The following BZW2 variants were observed in gnomAD, a reference collection of about 807,000 sequenced individuals.
BZW2 encodes the protein basic leucine zipper and W2 domains 2.
A neutral mutation model predicts 53.2 loss-of-function variants in BZW2; 23 were observed. The ratio of observed to expected loss-of-function variants is 0.43; its 90% CI spans 0.31 to 0.61. The LOEUF (loss-of-function observed/expected upper bound fraction) is 0.61, where lower values mean the gene tolerates loss of function less well. Among genes scored for constraint, BZW2 ranks in the 20% least tolerant of loss-of-function variants. The pLI is 0.09. For synonymous variants in BZW2, 227 were observed against 186.4 expected (o/e 1.22, Z -1.77); for missense variants, 409 against 503.1 (o/e 0.81, Z 1.79).
chr7:16,695,503 C>A (rs1200022671), intron 8 of BZW2, among the ~76,000 whole-genome samples: 1 of 152,046 alleles, frequency 6.6e-6, no homozygotes, highest in Non-Finnish European at 1.5e-5. Flanking sequence ...TTGTTTAATC[C>A]CACTCACACT....
rs973445079 is a variant in BZW2, at chr7:16,701,103, TAAAC to T, written c.1108+2918_1108+2921del. Reference sequence around the variant, plus strand: ...TAAATAACAGTGGAATAAAAGCAAATAAACTAAATAATGCTAGTCAGCAAAGAAA... The same window carrying T: ...TAAATAACAGTGGAATAAAAGCAAATTAAATAATGCTAGTCAGCAAAGAAA... On this transcript the variant is annotated intron_variant, in intron 10 of 11. Transcript: ENST00000258761. Among the ~76,000 whole-genome samples the T allele has an allele frequency of 3.0e-4, 45 of 152,172 alleles. No homozygotes were observed. In the Middle Eastern group the frequency reaches 0.014, roughly 46 times the overall value.
intron 2 of BZW2, among the ~76,000 whole-genome samples, chr7:16,670,631 A>G (rs928385644): frequency 6.6e-6 from 1 of 152,216 alleles, no homozygotes; most frequent in African/African-American, 2.4e-5. Context: ...CTAGACCCTG[A>G]GTGGGAGGTG....
intron 1 of BZW2, among the ~76,000 whole-genome samples, chr7:16,655,204 G>T (rs573093849): frequency 6.6e-6 from 1 of 152,246 alleles, no homozygotes; most frequent in East Asian, 1.9e-4. Flanking sequence ...TCAAAAGAAT[G>T]ATCTGTAGAC....
intron 1 of BZW2, among the ~76,000 whole-genome samples, chr7:16,657,746 G>C (rs1782156677): frequency 6.6e-6 from 1 of 151,900 alleles, no homozygotes; most frequent in African/African-American, 2.4e-5. Context: ...AATAAAATAT[G>C]TGCTTAGTTG....
At chr7:16,655,907 A>G (rs1782108596) in intron 1 of BZW2, among the ~76,000 whole-genome samples, 1 of 152,128 alleles carries the variant, frequency 6.6e-6, no homozygotes, top group African/African-American at 2.4e-5. Context: ...ATTTGAGAGT[A>G]GGTTGCATAC....
At chr7:16,647,796 A>T (rs1439137440) in intron 1 of BZW2, among the ~76,000 whole-genome samples, 1 of 152,246 alleles carries the variant, frequency 6.6e-6, no homozygotes, top group African/African-American at 2.4e-5. Flanking sequence ...ACCTCCTGGA[A>T]CATGTGATTT....
chr7:16,658,329 A>T (rs1226408409), intron 1 of BZW2, among the ~76,000 whole-genome samples: 1 of 152,218 alleles, frequency 6.6e-6, no homozygotes, highest in East Asian at 1.9e-4. Flanking sequence ...TAGTTGCCTT[A>T]ATTTGTTTCT....
intron 5 of BZW2, among the ~76,000 whole-genome samples, chr7:16,685,512 A>G (rs770746196): frequency 3.3e-5 from 5 of 152,004 alleles, no homozygotes; most frequent in African/African-American, 1.2e-4. Flanking sequence ...GGGAAGAGGT[A>G]GTCGCCCAAG....
chr7:16,656,370 A>G (rs1040965441), intron 1 of BZW2, among the ~76,000 whole-genome samples: 3 of 152,194 alleles, frequency 2.0e-5, no homozygotes, highest in African/African-American at 4.8e-5. Context: ...CTGGGGTACC[A>G]CATGAGCAAT....
chr7:16,705,969 T>A, intron 11 of BZW2, 91 bp from the exon 12 acceptor site: 1 of 1,432,074 alleles, frequency 7.0e-7, no homozygotes, highest in Non-Finnish European at 9.8e-7. Flanking sequence ...GCTGGTGCAA[T>A]GGCAGGGTTC....
chr7:16,667,511 G>A (rs1194488806), intron 2 of BZW2, among the ~76,000 whole-genome samples: 1 of 152,196 alleles, frequency 6.6e-6, no homozygotes, highest in Non-Finnish European at 1.5e-5. Flanking sequence ...TTGGCAGTCA[G>A]TGCTAAGCAG....
At chr7:16,656,877 C>A (rs572780578) in intron 1 of BZW2, among the ~76,000 whole-genome samples, 90 of 152,184 alleles carry the variant, frequency 5.9e-4, no homozygotes, top group Non-Finnish European at 1.1e-3. Context: ...TTGCCCTGGG[C>A]TAGGCCAGTG....
chr7:16,698,088 A>T lies in BZW2; in HGVS notation c.1010A>T (p.Gln337Leu). ...CTGGCCGTGTTCAGCTCCCAAGGCC[A>T]GTCAGAGCTGATCCTCCTCCAGAAG... is the stretch of plus-strand genomic sequence containing the variant. Reference protein sequence around the residue: ...PLLAVFSSQGQSELILLQKVQ... With the variant: ...PLLAVFSSQGLSELILLQKVQ... The change falls in exon 10 of 12, where the codon CAG (glutamine) becomes CTG (leucine). Residue 337 changes from glutamine (Q) to leucine (L), a missense_variant. Gln to Leu is a moderately radical substitution (Grantham distance 113). Transcript: ENST00000258761. 6.2e-7 allele frequency: 1 copy of T among 1,614,196 alleles called. No homozygotes were observed. Among genetic ancestry groups the T allele is most frequent in the Non-Finnish European group, 8.5e-7 (1 of 1,180,008 alleles).
intron 10 of BZW2, among the ~76,000 whole-genome samples, chr7:16,702,531 C>T (rs1234220735): frequency 2.0e-5 from 3 of 152,112 alleles, no homozygotes; most frequent in African/African-American, 7.2e-5. Flanking sequence ...ATAAACAATG[C>T]ATTTGATAGG....
chr7:16,666,239 T>G (rs1782421866), intron 2 of BZW2, among the ~76,000 whole-genome samples: 1 of 148,380 alleles, frequency 6.7e-6, no homozygotes, highest in African/African-American at 2.5e-5. Context: ...GGACTATAGG[T>G]GCACACCACC....
chr7:16,681,162 A>G (rs1035458035), intron 3 of BZW2, 139 bp from the exon 4 acceptor site: 3 of 713,006 alleles, frequency 4.2e-6, no homozygotes, highest in African/African-American at 3.6e-5. Flanking sequence ...CATACATGTC[A>G]TTCTTTGAAA....
At chr7:16,646,990 G>A (rs1023598980) in intron 1 of BZW2, among the ~76,000 whole-genome samples, 2 of 152,040 alleles carry the variant, frequency 1.3e-5, no homozygotes, top group African/African-American at 2.4e-5. Flanking sequence ...TGGAGAGGGC[G>A]GAGATTAAAT....
chr7:16,651,218 T>C (rs1781977450), intron 1 of BZW2, among the ~76,000 whole-genome samples: 1 of 152,224 alleles, frequency 6.6e-6, no homozygotes, highest in Non-Finnish European at 1.5e-5. Context: ...TCTTTTTACA[T>C]CTCAACTTAT....
intron 5 of BZW2, among the ~76,000 whole-genome samples, chr7:16,685,116 G>A (rs1256364891): frequency 6.6e-6 from 1 of 152,196 alleles, no homozygotes; most frequent in African/African-American, 2.4e-5. Flanking sequence ...AAAGCACAAA[G>A]CAGAGGAGAG....
Sources: gnomAD v4.1 joint callset for allele counts (sites outside exome capture counted in the v4.1 genomes callset) on GRCh38, gnomAD v4.1.1 for gene constraint, MANE v1.5 for transcripts, NCBI Gene and HGNC (gene_info 2026-07-23, HGNC 2026-07-21) for gene names.